Variants in MED15 observed in about 807,000 individuals in gnomAD.
MED15 encodes mediator of RNA polymerase II transcription subunit 15.
Under a neutral mutation model 118.7 loss-of-function variants are expected in MED15, and 41 were observed. The observed-to-expected ratio is 0.35, with a 90% confidence interval of 0.27 to 0.45. The LOEUF is 0.45. MED15 is among the 20% of genes least tolerant of loss of function. The pLI, the probability that MED15 is intolerant of heterozygous loss-of-function variation, is 1.00. For synonymous variants in MED15, 436 were observed against 413.9 expected, an observed-to-expected ratio of 1.05 and a Z score of -0.65; for missense variants, 740 against 1,025.5, an observed-to-expected ratio of 0.72 and a Z score of 3.80.
intron 1 of MED15, among the ~76,000 whole-genome samples, chr22:20,528,251 G>A (rs1462055095): frequency 6.6e-6 from 1 of 152,144 alleles, no homozygotes; most frequent in Non-Finnish European, 1.5e-5. Flanking sequence ...CTTCATTGAA[G>A]GCTCATCTGG....
intron 1 of MED15, among the ~76,000 whole-genome samples, chr22:20,533,648 T>C (rs1457803682): frequency 6.6e-6 from 1 of 152,190 alleles, no homozygotes; most frequent in Non-Finnish European, 1.5e-5. Flanking sequence ...ACTGGACATT[T>C]ACCCCAACTC....
At position 20,554,921 on chromosome 22, in the gene MED15, C is replaced by T. The variant is rs1304559857; in HGVS notation, c.239-15C>T. 4 of 1,589,704 alleles carry T rather than the reference C, an allele frequency of 2.5e-6. No individual in the cohort carries two copies. The highest frequency in any genetic ancestry group is 3.4e-6 in the Non-Finnish European group (4 of 1,171,636). On this transcript the variant is annotated splice_polypyrimidine_tract_variant and intron_variant, in intron 4 of 17. Transcript: ENST00000263205. ...AGGCCCTTTCCTGAGAAGCTCTGCC[C>T]TTGTGTTCCCACAGATCCTATGAAT...
At chr22:20,521,222 G>A (rs1444260053) in intron 1 of MED15, among the ~76,000 whole-genome samples, 1 of 144,748 alleles carries the variant, frequency 6.9e-6, no homozygotes, top group African/African-American at 2.6e-5. Context: ...TCAGCCTCCC[G>A]ATTAGCTGGG....
rs572059236 is a variant in MED15 at position 20,579,053 on chromosome 22, C to T, written c.1273-3558C>T. Among the ~76,000 whole-genome samples the T allele has an allele frequency of 2.4e-4, 36 of 152,336 alleles. No homozygotes were observed. In the East Asian group the frequency reaches 5.2e-3, roughly 22 times the overall value. ...ACGGGGGCCCAGGGGGTGGCATGGC[C>T]CATGCCACAATCCTCCCTTGGCAGA... On this transcript the variant is annotated intron_variant, in intron 9 of 17. Transcript: ENST00000263205.
At chr22:20,541,013 G>C (rs1377263959) in intron 2 of MED15, among the ~76,000 whole-genome samples, 2 of 152,154 alleles carry the variant, frequency 1.3e-5, no homozygotes, top group African/African-American at 4.8e-5. Context: ...CAGATCACGA[G>C]GTCAGGAGAT....
intron 6 of MED15, 149 bp from the exon 7 acceptor site, chr22:20,566,318 G>A: frequency 7.1e-7 from 1 of 1,405,336 alleles, no homozygotes; most frequent in South Asian, 1.3e-5. Context: ...GGGATTACAG[G>A]CGTGAGCCAC....
At chr22:20,521,086 C>CTTTTT (rs1419116029) in intron 1 of MED15, among the ~76,000 whole-genome samples, 3 of 100,712 alleles carry the variant, frequency 3.0e-5, no homozygotes, top group Admixed American at 9.7e-5. Flanking sequence ...AGCAGTTGTT[C>CTTTTT]TATTTTTTTT....
chr22:20,549,907 G>T (rs1264448334), intron 2 of MED15, among the ~76,000 whole-genome samples: 2 of 152,238 alleles, frequency 1.3e-5, no homozygotes, highest in African/African-American at 4.8e-5. Context: ...AAGGGCTTTG[G>T]TGACATGGTC....
chr22:20,533,576 C>G (rs1016270115), intron 1 of MED15, among the ~76,000 whole-genome samples: 4 of 152,100 alleles, frequency 2.6e-5, no homozygotes, highest in African/African-American at 9.7e-5. Context: ...GCTGGAGGAG[C>G]GCCTTGCCGG....
intron 2 of MED15, among the ~76,000 whole-genome samples, chr22:20,540,326 C>T (rs961539555): frequency 6.6e-6 from 1 of 152,162 alleles, no homozygotes; most frequent in Non-Finnish European, 1.5e-5. Context: ...ATACATAAAT[C>T]ACAGTAGTTT....
chr22:20,553,321 C>A, intron 4 of MED15, 147 bp downstream of exon 4: 1 of 777,176 alleles, frequency 1.3e-6, no homozygotes, highest in Non-Finnish European at 2.1e-6. Flanking sequence ...AGGAGGCTGA[C>A]CAGCTGTGCC....
chr22:20,567,040 A>ACTG (rs2056469728), intron 7 of MED15, among the ~76,000 whole-genome samples: 1 of 152,150 alleles, frequency 6.6e-6, no homozygotes, highest in Non-Finnish European at 1.5e-5. Flanking sequence ...CGCACAGGGT[A>ACTG]CTGCTGCTGC....
intron 3 of MED15, chr22:20,552,764 C>A (rs566650504): frequency 1.1e-5 from 3 of 280,620 alleles, no homozygotes; most frequent in South Asian, 9.6e-5. Context: ...AGTGTCAAGT[C>A]TTGGCACCAC....
intron 9 of MED15, among the ~76,000 whole-genome samples, chr22:20,579,356 T>C (rs1471518679): frequency 6.6e-6 from 1 of 151,994 alleles, no homozygotes; most frequent in Admixed American, 6.5e-5. Context: ...TGGAAATGAA[T>C]GGGTGCCCTT....
rs187453019 is a variant in MED15, at chr22:20,562,774, A to G, written c.452-1676A>G. Among the ~76,000 whole-genome samples, 1,038 of 152,300 alleles carry G rather than the reference A, an allele frequency of 6.8e-3. 5 individuals carry two copies. Among genetic ancestry groups the G allele is most frequent in the Middle Eastern group, 0.037 (11 of 294 alleles). On this transcript the variant is annotated intron_variant, in intron 5 of 17. Coordinates refer to ENST00000263205, the MANE Select transcript of MED15 (RefSeq NM_001003891.3). ...TACACTTGGCCAGGCACAGTGACCC[A>G]CGCCTATAATCTCAACACTTTGTGA...
At chr22:20,551,534 GC>G in intron 3 of MED15, 47 bp downstream of exon 3, 1 of 1,570,486 alleles carries the variant, frequency 6.4e-7, no homozygotes, top group Non-Finnish European at 8.8e-7. Context: ...TCTGTGAGAG[GC>G]CAGCCCTGAC....
At chr22:20,547,979 G>A (rs992235657) in intron 2 of MED15, among the ~76,000 whole-genome samples, 5 of 152,002 alleles carry the variant, frequency 3.3e-5, no homozygotes, top group African/African-American at 7.2e-5. Context: ...CAGCCAGGGC[G>A]ACAGAGTGAG....
At chr22:20,563,363 T>C (rs1255195087) in intron 5 of MED15, among the ~76,000 whole-genome samples, 2 of 152,246 alleles carry the variant, frequency 1.3e-5, no homozygotes, top group Admixed American at 1.3e-4. Flanking sequence ...CTGGCAGTAC[T>C]GTTGCTAGAA....
rs376567151 is a variant in MED15 at position 20,582,875 on chromosome 22, C to T, written c.1445C>T (p.Pro482Leu). 3.0e-5 allele frequency: 48 copies of T among 1,613,356 alleles called. No homozygotes were observed. Among genetic ancestry groups the T allele is most frequent in the Non-Finnish European group, 3.9e-5 (46 of 1,180,016 alleles). Residue 482 changes from proline to leucine, a missense_variant, in exon 11 of 18, where the codon CCC becomes CTC. Coordinates refer to ENST00000263205, the MANE Select transcript of MED15 (RefSeq NM_001003891.3). ...GPAPSPSSFLPSPSPQPSQSP... is the reference protein window; with the variant it reads ...GPAPSPSSFLLSPSPQPSQSP... ...GCCCCATCTCCCAGTAGCTTCCTGC[C>T]CAGCCCCTCACCGCAGCCCTCCCAG...
Sources: gnomAD v4.1 joint callset for allele counts (sites outside exome capture counted in the v4.1 genomes callset) on GRCh38, gnomAD v4.1.1 for gene constraint, MANE v1.5 for transcripts, NCBI Gene and HGNC (gene_info 2026-07-23, HGNC 2026-07-21) for gene names.